Variants in PDE8B observed in about 807,000 individuals in gnomAD.
PDE8B encodes the protein high affinity cAMP-specific and IBMX-insensitive 3',5'-cyclic phosphodiesterase 8B.
Under a neutral mutation model 101.3 loss-of-function variants are expected in PDE8B, and 26 were observed. The ratio of observed to expected loss-of-function variants is 0.26; its 90% CI spans 0.19 to 0.36. PDE8B has a LOEUF of 0.36. PDE8B is among the 10% of genes least tolerant of loss of function. The pLI, the probability that PDE8B is intolerant of heterozygous loss-of-function variation, is 1.00. For synonymous variants in PDE8B, 424 were observed against 429.3 expected, an observed-to-expected ratio of 0.99 and a Z score of 0.15; for missense variants, 810 against 1,163.1, an observed-to-expected ratio of 0.70 and a Z score of 4.42.
At chr5:77,405,155 C>A (rs2151039189) in intron 12 of PDE8B, among the ~76,000 whole-genome samples, 1 of 152,328 alleles carries the variant, frequency 6.6e-6, no homozygotes, top group South Asian at 2.1e-4. Flanking sequence ...CAACACAAAC[C>A]TAGTTTTCAG....
the PDE8B span, among the ~76,000 whole-genome samples, chr5:77,189,841 C>T: frequency 5.9e-5 from 9 of 152,054 alleles, no homozygotes; most frequent in African/African-American, 9.7e-5. Flanking sequence ...CTGAGGGAAG[C>T]CAGGTGAAGC....
At chr5:77,244,393 A>G (rs1756437403) in intron 1 of PDE8B, among the ~76,000 whole-genome samples, 1 of 152,146 alleles carries the variant, frequency 6.6e-6, no homozygotes, top group African/African-American at 2.4e-5. Context: ...GGTCACGTAT[A>G]GAGATGGGAC....
intron 1 of PDE8B, among the ~76,000 whole-genome samples, chr5:77,228,372 G>T (rs1272808176): frequency 1.3e-5 from 2 of 152,164 alleles, no homozygotes; most frequent in Non-Finnish European, 2.9e-5. Context: ...GTTGGAACCT[G>T]CCTGTCCTAC....
the PDE8B span, chr5:77,105,754 ACACT>A: frequency 6.6e-6 from 1 of 152,228 alleles, no homozygotes; most frequent in Non-Finnish European, 1.5e-5. Context: ...GTAACATTTT[ACACT>A]CCTACCAGGA....
chr5:77,347,921 C>T (rs777786467), intron 7 of PDE8B, among the ~76,000 whole-genome samples: 14 of 152,092 alleles, frequency 9.2e-5, no homozygotes, highest in East Asian at 1.9e-4. Flanking sequence ...GCAGGGGCTA[C>T]GCTGTAAGTG....
At chr5:77,155,358 T>TTTCACCAA in the PDE8B span, among the ~76,000 whole-genome samples, 1 of 152,214 alleles carries the variant, frequency 6.6e-6, no homozygotes, top group Non-Finnish European at 1.5e-5. Flanking sequence ...GCTGCTGTCG[T>TTTCACCAA]CTGACATTTC....
intron 1 of PDE8B, among the ~76,000 whole-genome samples, chr5:77,300,855 C>A (rs1236795987): frequency 6.6e-6 from 1 of 152,212 alleles, no homozygotes; most frequent in African/African-American, 2.4e-5. Flanking sequence ...TTATCAATAA[C>A]TGCTTGGAAA....
the PDE8B span, among the ~76,000 whole-genome samples, chr5:77,176,952 G>A: frequency 1.1e-4 from 17 of 152,254 alleles, no homozygotes; most frequent in Non-Finnish European, 1.3e-4. Context: ...GGAATTCTGT[G>A]CCTTTGGTTT....
chr5:77,109,936 T>G, the PDE8B span, among the ~76,000 whole-genome samples: 64 of 113,058 alleles, frequency 5.7e-4, 1 homozygote, highest in East Asian at 0.015. Flanking sequence ...AGTTTTTTTT[T>G]TTTTTTTTTT....
At chr5:77,127,742 G>A in the PDE8B span, among the ~76,000 whole-genome samples, 2 of 152,016 alleles carry the variant, frequency 1.3e-5, no homozygotes, top group African/African-American at 4.8e-5. Flanking sequence ...GGCAAGATGA[G>A]GCTGATGTCC....
the PDE8B span, among the ~76,000 whole-genome samples, chr5:77,175,079 C>A: frequency 6.6e-6 from 1 of 152,080 alleles, no homozygotes; most frequent in East Asian, 1.9e-4. Context: ...CTCCTTACTC[C>A]GCTCCCCACA....
chr5:77,289,679 C>A (rs1479960840), intron 1 of PDE8B, among the ~76,000 whole-genome samples: 2 of 152,226 alleles, frequency 1.3e-5, no homozygotes, highest in Non-Finnish European at 2.9e-5. Flanking sequence ...GGACAAGATA[C>A]CCCTTGGGAG....
At chr5:77,192,978 T>C in the PDE8B span, among the ~76,000 whole-genome samples, 1 of 152,178 alleles carries the variant, frequency 6.6e-6, no homozygotes, top group Non-Finnish European at 1.5e-5. Context: ...TTTTATTTCT[T>C]GTATTATGAA....
chr5:77,387,033 G>A (rs574726021), intron 10 of PDE8B, among the ~76,000 whole-genome samples: 9 of 150,034 alleles, frequency 6.0e-5, no homozygotes, highest in East Asian at 3.9e-4. Flanking sequence ...ACAGGCGCCC[G>A]CCACCGCGCC....
intron 1 of PDE8B, among the ~76,000 whole-genome samples, chr5:77,242,829 G>C (rs1756048064): frequency 6.6e-6 from 1 of 151,960 alleles, no homozygotes; most frequent in Admixed American, 6.6e-5. Flanking sequence ...ACCTCGCCTG[G>C]CTAATTTTTT....
upstream of PDE8B, among the ~76,000 whole-genome samples, chr5:77,210,295 G>A (rs1448580554): frequency 2.6e-5 from 4 of 151,232 alleles, no homozygotes; most frequent in Non-Finnish European, 5.9e-5. This position sits in a 1 kb window ranked among gnomAD's most constrained non-coding sequence, Gnocchi z 4.9. Flanking sequence ...GGTGCCAGCT[G>A]CCGCGCACAG....
rs896330339 is a variant in PDE8B at position 77,427,250 on chromosome 5, A to C, written c.*696A>C. ...CCTGTAAAAGGGGTTCATCTTAACA[A>C]AGTCATCCATGATGAGGGAAAAAGT... is the stretch of plus-strand genomic sequence containing the variant. On this transcript the variant is annotated 3_prime_UTR_variant, in exon 22 of 22. Coordinates refer to ENST00000264917, the MANE Select transcript of PDE8B (RefSeq NM_003719.5). The C allele has an allele frequency of 1.3e-5, 2 of 152,508 alleles. No individual in the cohort carries two copies. The highest frequency in any genetic ancestry group is 2.4e-5 in the African/African-American group (1 of 41,398). The allele number at this position is 152,508 out of a possible 1,614,324, so 9.4% of individuals were successfully genotyped here.
At chr5:77,176,169 C>G in the PDE8B span, among the ~76,000 whole-genome samples, 7 of 152,174 alleles carry the variant, frequency 4.6e-5, no homozygotes, top group Non-Finnish European at 1.0e-4. Flanking sequence ...CAGAAACCGA[C>G]TAGCCACCAG....
intron 1 of PDE8B, among the ~76,000 whole-genome samples, chr5:77,230,492 A>T (rs1753350613): frequency 6.6e-6 from 1 of 152,126 alleles, no homozygotes. Flanking sequence ...TTTGAGATGG[A>T]ATCTCTCTCT....
Sources: allele counts gnomAD v4.1 joint callset (sites outside exome capture counted in the v4.1 genomes callset), GRCh38; gene constraint gnomAD v4.1.1; non-coding constraint Gnocchi (gnomAD v3.1); transcripts MANE v1.5; gene names NCBI Gene and HGNC (gene_info 2026-07-23, HGNC 2026-07-21).